The following DPYD variants were observed in gnomAD, a reference collection of about 807,000 sequenced individuals.
DPYD encodes the protein dihydropyrimidine dehydrogenase, also known as dihydropyrimidine dehydrogenase [NADP(+)].
A neutral mutation model predicts 116.2 loss-of-function variants in DPYD; 109 were observed. The observed-to-expected ratio is 0.94, with a 90% CI of 0.80 to 1.10. The LOEUF (loss-of-function observed/expected upper bound fraction) is 1.10. Among genes scored for constraint, DPYD ranks in the 50% least tolerant of loss-of-function variants. The pLI is 0.00. For synonymous variants in DPYD, 440 were observed against 432.0 expected, an observed-to-expected ratio of 1.02 and a Z score of -0.23; for missense variants, 1,302 against 1,254.5, an observed-to-expected ratio of 1.04 and a Z score of -0.57.
intron 18 of DPYD, among the ~76,000 whole-genome samples, chr1:97,281,616 T>C (rs2100936077): frequency 6.6e-6 from 1 of 152,146 alleles, no homozygotes; most frequent in East Asian, 1.9e-4. Context: ...GCAAATTTTA[T>C]CTAAAGTTTC....
chr1:97,235,159 T>G (rs575906266), intron 18 of DPYD, among the ~76,000 whole-genome samples, 165 bp from the exon 19 acceptor site: 1 of 152,376 alleles, frequency 6.6e-6, no homozygotes, highest in East Asian at 1.9e-4. Flanking sequence ...AAATGTTATG[T>G]TTTAAAGCAT....
At chr1:97,589,022 C>A (rs1654332994) in intron 10 of DPYD, among the ~76,000 whole-genome samples, 1 of 152,114 alleles carries the variant, frequency 6.6e-6, no homozygotes. Context: ...AATTCTCAGA[C>A]CCACCCCAGA....
At chr1:97,780,532 G>C (rs1479144868) in intron 3 of DPYD, among the ~76,000 whole-genome samples, 3 of 152,162 alleles carry the variant, frequency 2.0e-5, no homozygotes, top group Non-Finnish European at 4.4e-5. Context: ...ATCTGTAAAA[G>C]CTAGTGCCAC....
In DPYD at chr1:97,828,212, A is replaced by C. The variant is rs1214663235; in HGVS notation, c.151-16T>G. 1 of 1,609,920 alleles carries C rather than the reference A, an allele frequency of 6.2e-7. No individual in the cohort carries two copies. The highest frequency in any genetic ancestry group is 1.3e-5 in the African/African-American group (1 of 74,864). ...TCTCACAATTCTGCAACATATTTAA[A>C]AATTGCATTAATTCTCTAAGATCCT... On this transcript the variant is annotated splice_polypyrimidine_tract_variant and intron_variant, in intron 2 of 22. Transcript: ENST00000370192.
intron 11 of DPYD, among the ~76,000 whole-genome samples, chr1:97,550,377 T>C (rs1181978350): frequency 6.6e-6 from 1 of 152,150 alleles, no homozygotes; most frequent in African/African-American, 2.4e-5. Flanking sequence ...TTGTGGAAAT[T>C]GCTCTGTAAA....
chr1:97,787,981 A>G (rs571865046), intron 3 of DPYD, among the ~76,000 whole-genome samples: 1 of 152,366 alleles, frequency 6.6e-6, no homozygotes, highest in Non-Finnish European at 1.5e-5. Flanking sequence ...CCATTGCAAC[A>G]CAATGTGAAA....
intron 16 of DPYD, among the ~76,000 whole-genome samples, chr1:97,357,320 A>G (rs1362833637): frequency 6.7e-6 from 1 of 148,474 alleles, no homozygotes; most frequent in Non-Finnish European, 1.5e-5. Flanking sequence ...TTGTTTATTG[A>G]TTTTGTATGC....
At chr1:97,200,717 A>G (rs1334950500) in intron 19 of DPYD, among the ~76,000 whole-genome samples, 1 of 152,204 alleles carries the variant, frequency 6.6e-6, no homozygotes, top group Non-Finnish European at 1.5e-5. Context: ...ATGGTGACAA[A>G]CAAGATTAAA....
intron 14 of DPYD, among the ~76,000 whole-genome samples, chr1:97,414,685 T>C (rs1036027793): frequency 3.9e-5 from 6 of 152,234 alleles, no homozygotes; most frequent in Admixed American, 1.3e-4. Context: ...GTAGAAGAGA[T>C]TGTATTCTTC....
intron 8 of DPYD, 22 bp downstream of exon 8, chr1:97,679,073 T>C (rs747247858): frequency 1.9e-5 from 22 of 1,162,540 alleles, no homozygotes; most frequent in Non-Finnish European, 2.4e-5. Context: ...TAAATAAATA[T>C]ATTTAAGAGT....
intron 11 of DPYD, among the ~76,000 whole-genome samples, chr1:97,555,417 C>A (rs1282782961): frequency 6.6e-6 from 1 of 152,110 alleles, no homozygotes; most frequent in Non-Finnish European, 1.5e-5. Context: ...AGATTATAAC[C>A]TGTATGCTCT....
intron 12 of DPYD, among the ~76,000 whole-genome samples, chr1:97,538,736 C>T (rs1650201496): frequency 6.6e-6 from 1 of 152,110 alleles, no homozygotes; most frequent in African/African-American, 2.4e-5. Context: ...AGCTGAAAAA[C>T]ACTGCAGAGA....
chr1:97,555,868 C>A (rs984860799), intron 11 of DPYD, among the ~76,000 whole-genome samples: 17 of 152,140 alleles, frequency 1.1e-4, no homozygotes, highest in Non-Finnish European at 1.5e-5. Context: ...CTATTACCAG[C>A]CACTCTCTAC....
intron 20 of DPYD, among the ~76,000 whole-genome samples, chr1:97,185,412 A>G (rs1657927050): frequency 6.6e-6 from 1 of 152,128 alleles, no homozygotes; most frequent in East Asian, 1.9e-4. Context: ...CCACTTTGGA[A>G]CTCTGTTTGG....
intron 12 of DPYD, among the ~76,000 whole-genome samples, chr1:97,522,892 T>G (rs1295679601): frequency 1.3e-5 from 2 of 152,186 alleles, no homozygotes; most frequent in Non-Finnish European, 2.9e-5. Context: ...TTTTTATCTT[T>G]AATAATTATT....
At chr1:97,159,004 T>C (rs1655692200) in intron 20 of DPYD, among the ~76,000 whole-genome samples, 1 of 152,108 alleles carries the variant, frequency 6.6e-6, no homozygotes, top group African/African-American at 2.4e-5. Context: ...CTCTGTATAA[T>C]GTATCATTTA....
At chr1:97,587,267 T>C (rs1038640490) in intron 10 of DPYD, among the ~76,000 whole-genome samples, 6 of 152,200 alleles carry the variant, frequency 3.9e-5, no homozygotes, top group African/African-American at 1.4e-4. Context: ...ATTAGCTTTT[T>C]GTGCCTAGAG....
intron 12 of DPYD, among the ~76,000 whole-genome samples, chr1:97,537,883 T>G (rs1650134937): frequency 6.6e-6 from 1 of 152,156 alleles, no homozygotes. Context: ...CTAAAATCAC[T>G]TTTTAAAAGT....
chr1:97,615,970 T>A (rs1214867085), intron 8 of DPYD, among the ~76,000 whole-genome samples: 25 of 152,096 alleles, frequency 1.6e-4, no homozygotes. Flanking sequence ...TTTACCTTGA[T>A]CCTTATGAAG....
Sources: allele counts gnomAD v4.1 joint callset (sites outside exome capture counted in the v4.1 genomes callset), GRCh38; gene constraint gnomAD v4.1.1; transcripts MANE v1.5; gene names NCBI Gene and HGNC (gene_info 2026-07-23, HGNC 2026-07-21).